The following CCSER1 variants were observed in gnomAD, a reference collection of about 807,000 sequenced individuals.
The protein encoded by CCSER1 is coiled-coil serine rich protein 1.
In CCSER1, 41 loss-of-function variants were observed where a neutral mutation model predicts 82.0. The observed-to-expected ratio is 0.50, with a 90% confidence interval of 0.39 to 0.65. CCSER1 has a LOEUF of 0.65. CCSER1 is among the 30% of genes least tolerant of loss of function. CCSER1 has a pLI of 0.00. For missense variants in CCSER1, 1,119 were observed against 1,064.2 expected, an observed-to-expected ratio of 1.05 and a Z score of -0.72; for synonymous variants, 414 against 383.9, an observed-to-expected ratio of 1.08 and a Z score of -0.92.
At chr4:91,282,766 T>C (rs973366490) in intron 10 of CCSER1, among the ~76,000 whole-genome samples, 4 of 152,168 alleles carry the variant, frequency 2.6e-5, no homozygotes, top group Non-Finnish European at 4.4e-5. Context: ...TAAGGTTCAT[T>C]AAAATTTGGC....
intron 7 of CCSER1, among the ~76,000 whole-genome samples, chr4:90,760,229 G>T (rs557383006): frequency 3.4e-4 from 52 of 152,004 alleles, no homozygotes; most frequent in African/African-American, 1.2e-3. Flanking sequence ...TTAAAATACT[G>T]TCAAGTTCTG....
chr4:91,113,304 T>A (rs6840939), intron 10 of CCSER1, among the ~76,000 whole-genome samples: 40 of 152,316 alleles, frequency 2.6e-4, no homozygotes, highest in African/African-American at 9.4e-4. Flanking sequence ...TTTGCAGGAA[T>A]TACCACTAGA....
intron 10 of CCSER1, among the ~76,000 whole-genome samples, chr4:91,170,549 C>T (rs963656215): frequency 3.9e-5 from 6 of 152,052 alleles, no homozygotes; most frequent in Admixed American, 2.6e-4. Flanking sequence ...TAATAGAACC[C>T]GATTCAAGGC....
intron 5 of CCSER1, among the ~76,000 whole-genome samples, chr4:90,472,011 C>T (rs546711903): frequency 2.6e-5 from 4 of 151,934 alleles, no homozygotes; most frequent in African/African-American, 9.7e-5. Flanking sequence ...AATAATCACC[C>T]GCCAATATAA....
intron 8 of CCSER1, among the ~76,000 whole-genome samples, chr4:90,886,863 A>G (rs1372420378): frequency 6.6e-6 from 1 of 152,168 alleles, no homozygotes; most frequent in African/African-American, 2.4e-5. Flanking sequence ...ACTCATTGTA[A>G]TCCTCATGGG....
At chr4:90,324,539 T>C (rs1362813862) in intron 3 of CCSER1, among the ~76,000 whole-genome samples, 7 of 150,986 alleles carry the variant, frequency 4.6e-5, no homozygotes, top group African/African-American at 1.7e-4. Flanking sequence ...CTTGTAAATT[T>C]GTTTGAGTTC....
At position 91,326,386 on chromosome 4, in the gene CCSER1, G is replaced by A. The variant is rs539768488; in HGVS notation, c.2217+240392G>A. Reference sequence around the variant, plus strand: ...GGAGAAAGAGAGTAAAAGGGGAAGTGCTACACAACTTTATACAACCAGATC... The same window carrying A: ...GGAGAAAGAGAGTAAAAGGGGAAGTACTACACAACTTTATACAACCAGATC... On this transcript the variant is annotated intron_variant, in intron 10 of 10. Coordinates refer to ENST00000509176, the MANE Select transcript of CCSER1 (RefSeq NM_001145065.2). Among the ~76,000 whole-genome samples, 3 of 152,140 alleles carry A rather than the reference G, an allele frequency of 2.0e-5. No individual in the cohort carries two copies. The South Asian group carries it at 6.2e-4, about 32-fold the overall frequency.
chr4:91,329,592 C>A (rs1746801239), intron 10 of CCSER1, among the ~76,000 whole-genome samples: 1 of 151,960 alleles, frequency 6.6e-6, no homozygotes, highest in Admixed American at 6.6e-5. Flanking sequence ...GATCAAGGTG[C>A]CACCAGTGTC....
intron 8 of CCSER1, among the ~76,000 whole-genome samples, chr4:90,871,778 A>T (rs1456172148): frequency 1.3e-5 from 2 of 151,632 alleles, no homozygotes; most frequent in Non-Finnish European, 3.0e-5. Context: ...GTGTCCAGTT[A>T]TTTCTGCATT....
intron 1 of CCSER1, among the ~76,000 whole-genome samples, chr4:90,186,071 AT>A (rs1275855248): frequency 6.6e-6 from 1 of 152,016 alleles, no homozygotes; most frequent in Non-Finnish European, 1.5e-5. Flanking sequence ...ACTATCTTGC[AT>A]TGTCTAGGAG....
At chr4:90,634,445 G>T (rs553694875) in intron 6 of CCSER1, among the ~76,000 whole-genome samples, 10 of 150,850 alleles carry the variant, frequency 6.6e-5, no homozygotes, top group Non-Finnish European at 1.0e-4. Flanking sequence ...AAAATTTTTG[G>T]TTTTTTTTCA....
At chr4:91,425,384 C>T (rs1753910701) in intron 10 of CCSER1, among the ~76,000 whole-genome samples, 1 of 152,020 alleles carries the variant, frequency 6.6e-6, no homozygotes, top group Non-Finnish European at 1.5e-5. Context: ...CTGTCGACAT[C>T]CCAAGAATAT....
At chr4:90,925,067 G>A (rs1728886884) in intron 9 of CCSER1, among the ~76,000 whole-genome samples, 1 of 152,040 alleles carries the variant, frequency 6.6e-6, no homozygotes, top group Admixed American at 6.6e-5. Flanking sequence ...CTAGTCCTTA[G>A]GATATAAACC....
At chr4:91,435,461 A>C (rs1316133406) in intron 10 of CCSER1, among the ~76,000 whole-genome samples, 1 of 151,906 alleles carries the variant, frequency 6.6e-6, no homozygotes, top group African/African-American at 2.4e-5. Context: ...AAATGTATCT[A>C]AACATTTAGA....
intron 9 of CCSER1, among the ~76,000 whole-genome samples, chr4:90,979,886 A>G (rs1164871061): frequency 2.6e-5 from 4 of 151,830 alleles, no homozygotes; most frequent in African/African-American, 9.7e-5. Flanking sequence ...GCATATGCTT[A>G]CTGATATAGC....
intron 9 of CCSER1, among the ~76,000 whole-genome samples, chr4:90,933,038 AAG>A (rs796904390): frequency 3.3e-5 from 2 of 60,214 alleles, no homozygotes; most frequent in South Asian, 7.2e-4. Context: ...GAAAGAAAGA[AAG>A]AAAGAGAAGG....
At chr4:90,352,840 A>G (rs1057030830) in intron 3 of CCSER1, among the ~76,000 whole-genome samples, 1 of 152,166 alleles carries the variant, frequency 6.6e-6, no homozygotes, top group African/African-American at 2.4e-5. Context: ...AAAGTATACT[A>G]TTTTTGAATG....
At chr4:90,658,283 G>A (rs989469484) in intron 6 of CCSER1, among the ~76,000 whole-genome samples, 2 of 152,018 alleles carry the variant, frequency 1.3e-5, no homozygotes, top group Non-Finnish European at 2.9e-5. Context: ...TTAACTTTCT[G>A]CAGAAAGGAT....
chr4:91,383,213 G>T (rs1169044778), intron 10 of CCSER1, among the ~76,000 whole-genome samples: 2 of 152,010 alleles, frequency 1.3e-5, no homozygotes. Context: ...CCTGTATTGT[G>T]CATTAAGTTC....
Sources: allele counts gnomAD v4.1 joint callset (sites outside exome capture counted in the v4.1 genomes callset), GRCh38; gene constraint gnomAD v4.1.1; transcripts MANE v1.5; gene names NCBI Gene and HGNC (gene_info 2026-07-23, HGNC 2026-07-21).